RTN1: variants seen among roughly 807,000 people sequenced by gnomAD.
The protein encoded by RTN1 is reticulon-1.
RTN1 carries 25 observed loss-of-function variants against 65.5 expected under a neutral mutation model. The ratio of observed to expected loss-of-function variants is 0.38; its 90% CI spans 0.28 to 0.53. The LOEUF is 0.53. Ranked by LOEUF, RTN1 falls within the 20% of genes least tolerant of loss-of-function variation. The pLI, the probability that RTN1 is intolerant of heterozygous loss-of-function variation, is 0.79. For missense variants in RTN1, 983 were observed against 1,025.4 expected, an observed-to-expected ratio of 0.96 and a Z score of 0.57; for synonymous variants, 471 against 447.6, an observed-to-expected ratio of 1.05 and a Z score of -0.66.
intron 1 of RTN1, among the ~76,000 whole-genome samples, chr14:59,777,857 A>G (rs1021680053): frequency 1.3e-5 from 2 of 151,292 alleles, no homozygotes; most frequent in African/African-American, 4.9e-5. Context: ...ACACACACAC[A>G]CACACACACA....
intron 3 of RTN1, among the ~76,000 whole-genome samples, chr14:59,690,454 TACTTCTAG>T (rs1318346442): frequency 6.6e-6 from 1 of 152,098 alleles, no homozygotes; most frequent in Non-Finnish European, 1.5e-5. Context: ...ATAAAATAAG[TACTTCTAG>T]ACCTACAAAA....
chr14:59,664,881 G>A (rs1168324303), intron 3 of RTN1, among the ~76,000 whole-genome samples: 1 of 152,060 alleles, frequency 6.6e-6, no homozygotes, highest in African/African-American at 2.4e-5. Context: ...TGAGTCACAG[G>A]ATAATTATAT....
At chr14:59,751,000 T>G (rs1375856265) in intron 1 of RTN1, among the ~76,000 whole-genome samples, 1 of 47,714 alleles carries the variant, frequency 2.1e-5, no homozygotes, top group Non-Finnish European at 3.6e-5. Flanking sequence ...TTACCGGCAT[T>G]GAGTCACCTC....
chr14:59,647,025 A>G (rs943435885), intron 3 of RTN1: 1 of 153,682 alleles, frequency 6.5e-6, no homozygotes, highest in Non-Finnish European at 1.5e-5. Context: ...TGGATAAAGA[A>G]GCAAGGCCCA....
intron 1 of RTN1, among the ~76,000 whole-genome samples, chr14:59,866,490 C>G (rs1366870463): frequency 6.6e-6 from 1 of 152,012 alleles, no homozygotes; most frequent in Non-Finnish European, 1.5e-5. Flanking sequence ...GAAAGTTAAC[C>G]TGAAAGCCTT....
At position 59,605,501 on chromosome 14, in the gene RTN1, T is replaced by G; in HGVS notation, c.1979A>C (p.Tyr660Ser). The stretch of plus-strand genomic sequence containing the variant: ...AGAAAGGGTGATCTCAAGCTCCAAG[T>G]AGGCCCTGTCAACAAACCATTCCCA... ...KTDEGHPFKA[Y>S]LELEITLSQE... The change falls in exon 5 of 9, where the codon TAC (tyrosine) becomes TCC (serine). Residue 660 changes from tyrosine (Y) to serine (S), a missense_variant. Tyr to Ser is a moderately radical substitution (Grantham distance 144). Transcript: ENST00000267484. 1 of 1,613,848 alleles carries G rather than the reference T, an allele frequency of 6.2e-7. No homozygotes were observed. Among genetic ancestry groups the G allele is most frequent in the Non-Finnish European group, 8.5e-7 (1 of 1,179,910 alleles).
At chr14:59,654,168 G>A (rs1279312856) in intron 3 of RTN1, among the ~76,000 whole-genome samples, 1 of 152,152 alleles carries the variant, frequency 6.6e-6, no homozygotes, top group Non-Finnish European at 1.5e-5. Context: ...GCTCATGCCT[G>A]TAATCCTAGT....
rs1182881441 is a variant in RTN1, at chr14:59,868,936, G to A, written c.241+1454C>T. Among the ~76,000 whole-genome samples the A allele has an allele frequency of 6.6e-6, 1 of 152,148 alleles. No individual in the cohort carries two copies. On this transcript the variant is annotated intron_variant, in intron 1 of 8. Transcript: ENST00000267484. This position sits in a 1 kb window ranked among gnomAD's most constrained non-coding sequence, Gnocchi z 4.0. ...AGAGTTTTGTTTTCACTTGGATGCA[G>A]AAGTTGAAAGAGAGACTGAGCAGCC...
chr14:59,691,443 A>T (rs1041451660), intron 3 of RTN1, among the ~76,000 whole-genome samples: 1 of 152,124 alleles, frequency 6.6e-6, no homozygotes, highest in Admixed American at 6.6e-5. Context: ...GTTAGTAATT[A>T]AAACATGTAC....
rs1214158186 is a variant in RTN1 at position 59,790,325 on chromosome 14, G to C, written c.242-43844C>G. 6.6e-6 allele frequency among the ~76,000 whole-genome samples: 1 copy of C among 151,788 alleles called. No individual in the cohort carries two copies. The highest frequency in any genetic ancestry group is 1.5e-5 in the Non-Finnish European group (1 of 67,900). ...TAGGAAAAAAGTAGTGGGAAATATG[G>C]CAACACATTGATAGCAGTAGTCATT... On this transcript the variant is annotated intron_variant, in intron 1 of 8. Transcript: ENST00000267484. This position sits in a 1 kb window ranked among gnomAD's most constrained non-coding sequence, Gnocchi z 4.1.
intron 3 of RTN1, among the ~76,000 whole-genome samples, chr14:59,608,089 G>C (rs943935649): frequency 9.9e-5 from 15 of 152,058 alleles, no homozygotes; most frequent in African/African-American, 2.7e-4. Flanking sequence ...ACATGCAAAA[G>C]AGTAGTCATA....
intron 3 of RTN1, among the ~76,000 whole-genome samples, chr14:59,685,174 A>G (rs1933934716): frequency 6.6e-6 from 1 of 150,970 alleles, no homozygotes. Flanking sequence ...ACCTCAACAC[A>G]ATAAAGGCCA....
chr14:59,703,797 T>C (rs1212558897), intron 3 of RTN1, among the ~76,000 whole-genome samples: 2 of 152,210 alleles, frequency 1.3e-5, no homozygotes, highest in Non-Finnish European at 2.9e-5. Context: ...TCTATCTATC[T>C]ATATGGAATG....
intron 3 of RTN1, among the ~76,000 whole-genome samples, chr14:59,656,599 C>T (rs958572852): frequency 2.0e-5 from 3 of 152,280 alleles, no homozygotes; most frequent in South Asian, 2.1e-4. Flanking sequence ...CTTCTTAGCC[C>T]TCCCTCTAGG....
In RTN1 at chr14:59,750,431, T is replaced by C. The variant is rs185739369; in HGVS notation, c.242-3950A>G. Among the ~76,000 whole-genome samples, 74 of 68,070 alleles carry C rather than the reference T, an allele frequency of 1.1e-3. 2 individuals are homozygous for C. The highest frequency in any genetic ancestry group is 4.1e-3 in the African/African-American group (69 of 16,742). The allele number at this position is 68,070 out of a possible 152,430, so 44.7% of individuals were successfully genotyped here. ...TTATATGTATAATATATAATATATC[T>C]ATAATATATAATATATCTATAATAT... is the stretch of plus-strand genomic sequence containing the variant. On this transcript the variant is annotated intron_variant, in intron 1 of 8. Transcript: ENST00000267484.
intron 3 of RTN1, among the ~76,000 whole-genome samples, chr14:59,649,560 TAAAAAA>T (rs201508568): frequency 1.3e-5 from 2 of 149,814 alleles, no homozygotes; most frequent in East Asian, 3.9e-4. Flanking sequence ...AACAAATTTA[TAAAAAA>T]AAACCATCAA....
rs1027028522 is a variant in RTN1, at chr14:59,722,249, C to T, written c.1765+4670G>A. ...ATTTTGATAAATTAACATGGACATA[C>T]GGAATTTGGGAGGTCTATGGGATGT... On this transcript the variant is annotated intron_variant, in intron 3 of 8. Coordinates refer to ENST00000267484, the MANE Select transcript of RTN1 (RefSeq NM_021136.3). Among the ~76,000 whole-genome samples, 12 of 152,256 alleles carry T rather than the reference C, an allele frequency of 7.9e-5. 1 individual carries two copies. The highest frequency in any genetic ancestry group is 2.0e-4 in the Admixed American group (3 of 15,296).
At chr14:59,731,414 C>G (rs190606117) in intron 2 of RTN1, among the ~76,000 whole-genome samples, 272 of 152,080 alleles carry the variant, frequency 1.8e-3, no homozygotes, top group Middle Eastern at 3.4e-3. Flanking sequence ...AAATTTATTG[C>G]AGTGATGGAT....
At chr14:59,804,871 C>A (rs897534437) in intron 1 of RTN1, among the ~76,000 whole-genome samples, 3 of 152,166 alleles carry the variant, frequency 2.0e-5, no homozygotes, top group Non-Finnish European at 4.4e-5. Context: ...TAGCTTAGTG[C>A]TTAATGTTGA....
Sources: allele counts gnomAD v4.1 joint callset (sites outside exome capture counted in the v4.1 genomes callset), GRCh38; gene constraint gnomAD v4.1.1; non-coding constraint Gnocchi (gnomAD v3.1); transcripts MANE v1.5; gene names NCBI Gene and HGNC (gene_info 2026-07-23, HGNC 2026-07-21).